The following PCDH15 variants were observed in gnomAD, a reference collection of about 807,000 sequenced individuals.
PCDH15 encodes protocadherin related 15.
Under a neutral mutation model 178.5 loss-of-function variants are expected in PCDH15, and 129 were observed. The ratio of observed to expected loss-of-function variants is 0.72; its 90% CI spans 0.63 to 0.84. The LOEUF (loss-of-function observed/expected upper bound fraction) is 0.84, where lower values mean the gene tolerates loss of function less well. Among genes scored for constraint, PCDH15 ranks in the 40% least tolerant of loss-of-function variants. The pLI, the probability that PCDH15 is intolerant of heterozygous loss-of-function variation, is 0.00. For missense variants in PCDH15, 2,230 were observed against 2,099.9 expected (o/e 1.06, Z -1.21); for synonymous variants, 800 against 732.0 (o/e 1.09, Z -1.50).
chr10:54,633,576 C>T (rs2093761365), intron 2 of PCDH15, among the ~76,000 whole-genome samples: 1 of 151,860 alleles, frequency 6.6e-6, no homozygotes, highest in Admixed American at 6.6e-5. Flanking sequence ...GCCCAGAGTA[C>T]CTAACAGTGG....
intron 2 of PCDH15, among the ~76,000 whole-genome samples, chr10:55,555,134 A>T (rs753220428): frequency 6.6e-6 from 1 of 152,114 alleles, no homozygotes; most frequent in Non-Finnish European, 1.5e-5. Flanking sequence ...CATAGAAGCT[A>T]TTTCTAAACC....
intron 1 of PCDH15, among the ~76,000 whole-genome samples, chr10:55,234,218 G>A (rs1336819038): frequency 6.6e-6 from 1 of 152,010 alleles, no homozygotes. Context: ...CCACAATCTA[G>A]AACTTGTTAA....
At chr10:55,084,421 A>G (rs954099136) in intron 2 of PCDH15, among the ~76,000 whole-genome samples, 7 of 150,084 alleles carry the variant, frequency 4.7e-5, no homozygotes, top group East Asian at 2.0e-4. Context: ...TGAGAATCCA[A>G]TAAAAATTGA....
intron 2 of PCDH15, chr10:54,528,420 G>C (rs894284650): frequency 1.3e-6 from 2 of 1,568,466 alleles, no homozygotes; most frequent in African/African-American, 2.7e-5. Flanking sequence ...CAAAAGTATA[G>C]AGTCATCAAT....
intron 2 of PCDH15, among the ~76,000 whole-genome samples, chr10:55,542,435 G>T (rs1190959296): frequency 6.6e-6 from 1 of 150,630 alleles, no homozygotes; most frequent in Non-Finnish European, 1.5e-5. Flanking sequence ...TATGTCTACA[G>T]TATATGTAAT....
Position 55,329,002 on chromosome 10 carries a change from C to CGTGTGT in PCDH15, c.-155-162357_-155-162352dup, listed in dbSNP as rs34920648. ...AACATTTGGAAATATATTCCATTTT[C>CGTGTGT]GTGTGTGTGTGTGTGTGTGTGTGTT... On this transcript the variant is annotated intron_variant, in intron 2 of 5. Transcript: ENST00000613346. Among the ~76,000 whole-genome samples, 1,270 of 131,114 alleles carry CGTGTGT rather than the reference C, an allele frequency of 9.7e-3. 10 individuals carry two copies. The highest frequency in any genetic ancestry group is 0.017 in the South Asian group (68 of 3,990). 86.0% of individuals were successfully genotyped at this position (131,114 alleles called of 152,430 possible). A position where few individuals can be genotyped will look rare whatever the true frequency, so the allele number is the denominator to read the frequency against.
intron 28 of PCDH15, among the ~76,000 whole-genome samples, chr10:53,852,037 C>A (rs1013314439): frequency 6.6e-6 from 1 of 151,936 alleles, no homozygotes; most frequent in Admixed American, 6.6e-5. Context: ...TACTCTAACT[C>A]AGTGTTTCTA....
At chr10:53,840,894 G>C (rs2077602931) in intron 28 of PCDH15, among the ~76,000 whole-genome samples, 1 of 152,168 alleles carries the variant, frequency 6.6e-6, no homozygotes, top group African/African-American at 2.4e-5. Flanking sequence ...ACTAAAGTCT[G>C]TGACACATGA....
chr10:55,132,453 G>T (rs1334487805), intron 2 of PCDH15, among the ~76,000 whole-genome samples: 1 of 152,070 alleles, frequency 6.6e-6, no homozygotes, highest in Non-Finnish European at 1.5e-5. Flanking sequence ...GGTTTTAAAA[G>T]AAATAAAAAG....
chr10:54,725,540 T>TTTTATATATATATA (rs1942357363), intron 1 of PCDH15, among the ~76,000 whole-genome samples: 3 of 119,802 alleles, frequency 2.5e-5, no homozygotes, highest in Admixed American at 8.6e-5. Context: ...ATAAATATAA[T>TTTTATATATATATA]TATATATATA....
At chr10:54,498,817 A>G (rs1389566096) in intron 3 of PCDH15, among the ~76,000 whole-genome samples, 1 of 152,168 alleles carries the variant, frequency 6.6e-6, no homozygotes, top group Admixed American at 6.6e-5. Context: ...AAAGAGGTTT[A>G]ATTGGCTCAT....
chr10:54,263,262 AGG>A (rs2057452588), intron 8 of PCDH15, among the ~76,000 whole-genome samples: 1 of 152,184 alleles, frequency 6.6e-6, no homozygotes, highest in East Asian at 1.9e-4. Context: ...TCCTGAGGGA[AGG>A]GGAGTGCAGC....
chr10:54,689,007 A>C (rs1179588555), intron 1 of PCDH15, among the ~76,000 whole-genome samples: 4 of 152,126 alleles, frequency 2.6e-5, no homozygotes, highest in Admixed American at 2.6e-4. Flanking sequence ...AAAAATTCCA[A>C]TGCTCAAAAA....
At chr10:54,187,028 G>A (rs1033212652) in intron 11 of PCDH15, among the ~76,000 whole-genome samples, 1 of 151,906 alleles carries the variant, frequency 6.6e-6, no homozygotes, top group Non-Finnish European at 1.5e-5. Flanking sequence ...TTTGTTTTGT[G>A]TTCATCCTGG....
chr10:54,490,246 C>G (rs962031764), intron 3 of PCDH15, among the ~76,000 whole-genome samples: 11 of 151,862 alleles, frequency 7.2e-5, no homozygotes, highest in Non-Finnish European at 1.0e-4. Context: ...GTCAGGAGAT[C>G]GAGACCATCC....
At chr10:54,180,782 T>C (rs1428803831) in intron 13 of PCDH15, among the ~76,000 whole-genome samples, 1 of 152,208 alleles carries the variant, frequency 6.6e-6, no homozygotes, top group Non-Finnish European at 1.5e-5. Context: ...AAAATACTAA[T>C]TATAAAGCTT....
intron 26 of PCDH15, among the ~76,000 whole-genome samples, chr10:53,895,811 C>T (rs2081910194): frequency 6.6e-6 from 1 of 152,212 alleles, no homozygotes; most frequent in East Asian, 1.9e-4. Context: ...AAATCGGTTG[C>T]CTTTTTACTT....
At chr10:54,551,611 C>T (rs1449041331) in intron 2 of PCDH15, among the ~76,000 whole-genome samples, 1 of 152,096 alleles carries the variant, frequency 6.6e-6, no homozygotes, top group Non-Finnish European at 1.5e-5. Flanking sequence ...CTGAATAATA[C>T]ATACCCTTTT....
chr10:55,578,504 C>A lies in PCDH15; in HGVS notation c.-156+49121G>T, dbSNP rs138513434. The stretch of plus-strand genomic sequence containing the variant: ...AAAGTGCTGGGATTACAGGCATAAG[C>A]CACTGCGCCCGGCCTGAAACACAGT... On this transcript the variant is annotated intron_variant, in intron 2 of 5. Transcript: ENST00000613346. Among the ~76,000 whole-genome samples, 544 of 152,234 alleles carry A rather than the reference C, an allele frequency of 3.6e-3. 5 individuals carry two copies. The highest frequency in any genetic ancestry group is 0.013 in the African/African-American group (521 of 41,548).
Sources: gnomAD v4.1 joint callset for allele counts (sites outside exome capture counted in the v4.1 genomes callset) on GRCh38, gnomAD v4.1.1 for gene constraint, MANE v1.5 for transcripts, NCBI Gene and HGNC (gene_info 2026-07-23, HGNC 2026-07-21) for gene names.